Variants in DENND1A observed in about 807,000 individuals in gnomAD.
DENND1A encodes DENN domain containing 1A, also known as DENN domain-containing protein 1A.
Under a neutral mutation model 113.7 loss-of-function variants are expected in DENND1A, and 51 were observed. That is an observed-to-expected ratio of 0.45 (90% CI 0.36 to 0.57). The LOEUF is 0.57. Ranked by LOEUF, DENND1A falls within the 20% of genes least tolerant of loss-of-function variation. The pLI is 0.00. For missense variants in DENND1A, 1,258 were observed against 1,395.9 expected (o/e 0.90, Z 1.57); for synonymous variants, 565 against 570.8 (o/e 0.99, Z 0.14).
At chr9:123,857,599 C>T (rs908002676) in intron 2 of DENND1A, among the ~76,000 whole-genome samples, 1 of 152,150 alleles carries the variant, frequency 6.6e-6, no homozygotes, top group Non-Finnish European at 1.5e-5. Context: ...TGTGATATAA[C>T]AAGAAAAGCA....
At chr9:123,629,649 G>A (rs1185003565) in intron 10 of DENND1A, among the ~76,000 whole-genome samples, 9 of 152,164 alleles carry the variant, frequency 5.9e-5, no homozygotes, top group Admixed American at 3.3e-4. Flanking sequence ...TAGGGCTGTC[G>A]CCAAAACCTT....
intron 13 of DENND1A, among the ~76,000 whole-genome samples, chr9:123,462,283 A>G (rs2048588805): frequency 6.6e-6 from 1 of 152,244 alleles, no homozygotes; most frequent in African/African-American, 2.4e-5. Flanking sequence ...ACTTTCATGA[A>G]GTCGAAATTA....
intron 13 of DENND1A, among the ~76,000 whole-genome samples, chr9:123,547,613 A>G (rs1329561479): frequency 6.6e-6 from 1 of 152,200 alleles, no homozygotes; most frequent in Non-Finnish European, 1.5e-5. Context: ...TTTGTCCATA[A>G]TTGCTGGTGG....
chr9:123,707,917 A>T (rs901645634), intron 5 of DENND1A, among the ~76,000 whole-genome samples: 1 of 152,196 alleles, frequency 6.6e-6, no homozygotes, highest in South Asian at 2.1e-4. Context: ...CAGAATGGGA[A>T]GAAGAAAACT....
At chr9:123,806,321 T>C (rs904171350) in intron 2 of DENND1A, among the ~76,000 whole-genome samples, 1 of 151,932 alleles carries the variant, frequency 6.6e-6, no homozygotes, top group Non-Finnish European at 1.5e-5. Flanking sequence ...AGTGGCGTGA[T>C]CTTGGCTCAC....
rs550589817 is a variant in DENND1A, at chr9:123,602,749, C to T, written c.765+6687G>A. 1.3e-4 allele frequency among the ~76,000 whole-genome samples: 20 copies of T among 152,324 alleles called. No individual in the cohort carries two copies. In the East Asian group the frequency reaches 1.7e-3, roughly 13 times the overall value. On this transcript the variant is annotated intron_variant, in intron 11 of 23. Transcript: ENST00000394215. ...GCACAATTATGGCTCACTGCAGCCTCGAACTCCTGGGCTTGGCTTGAGTGA... is the reference window on the plus strand; with the variant it reads ...GCACAATTATGGCTCACTGCAGCCTTGAACTCCTGGGCTTGGCTTGAGTGA...
intron 13 of DENND1A, among the ~76,000 whole-genome samples, chr9:123,556,762 G>T (rs2057439397): frequency 6.6e-6 from 1 of 152,240 alleles, no homozygotes. Context: ...TCTGCAGGGT[G>T]ACCCAGGTCC....
intron 1 of DENND1A, among the ~76,000 whole-genome samples, chr9:123,917,262 T>C (rs1266058689): frequency 2.0e-5 from 3 of 152,116 alleles, no homozygotes; most frequent in Non-Finnish European, 4.4e-5. Context: ...AAACCAATTC[T>C]ACTGACTTTA....
chr9:123,722,788 G>A (rs181873633), intron 5 of DENND1A, among the ~76,000 whole-genome samples: 1 of 152,264 alleles, frequency 6.6e-6, no homozygotes, highest in African/African-American at 2.4e-5. Context: ...TGGATGCCCA[G>A]GCAGAAGTTT....
At chr9:123,832,017 T>C (rs1170176251) in intron 2 of DENND1A, among the ~76,000 whole-genome samples, 1 of 152,130 alleles carries the variant, frequency 6.6e-6, no homozygotes, top group South Asian at 2.1e-4. Context: ...AGTGAGGTGA[T>C]GGACATGTTG....
At position 123,379,680 on chromosome 9, in the gene DENND1A, A is replaced by T. The variant is rs951856866; in HGVS notation, c.*1752T>A. ...CTCTTCCCCAAGATGATTTTATTGA[A>T]TGCACACAAAGTTCATCCTTGGGTT... is the stretch of plus-strand genomic sequence containing the variant. On this transcript the variant is annotated 3_prime_UTR_variant, in exon 24 of 24. Transcript: ENST00000394215. The T allele has an allele frequency of 6.6e-6, 1 of 152,272 alleles. No homozygotes were observed. The highest frequency in any genetic ancestry group is 2.4e-5 in the African/African-American group (1 of 41,468). The allele number at this position is 152,272 out of a possible 1,614,324, so 9.4% of individuals were successfully genotyped here.
intron 2 of DENND1A, among the ~76,000 whole-genome samples, chr9:123,818,785 C>A (rs951224142): frequency 1.3e-5 from 2 of 152,146 alleles, no homozygotes; most frequent in Non-Finnish European, 2.9e-5. Flanking sequence ...GATTCTGCAG[C>A]ATTTTGGAGC....
intron 19 of DENND1A, chr9:123,413,889 C>T: frequency 1.0e-6 from 1 of 985,336 alleles, no homozygotes; most frequent in Non-Finnish European, 1.2e-6. Flanking sequence ...GAGAGGGGAG[C>T]CCACCCCCTC....
chr9:123,749,125 G>A (rs756567188), intron 5 of DENND1A, among the ~76,000 whole-genome samples: 2 of 152,108 alleles, frequency 1.3e-5, no homozygotes, highest in Non-Finnish European at 1.5e-5. Flanking sequence ...GCCATATCAC[G>A]GGCAAAACCC....
At chr9:123,881,342 G>A (rs1311333284) in intron 1 of DENND1A, among the ~76,000 whole-genome samples, 1 of 152,126 alleles carries the variant, frequency 6.6e-6, no homozygotes, top group Non-Finnish European at 1.5e-5. Flanking sequence ...AAGATCTTAA[G>A]GTAGAACATT....
At chr9:123,611,417 C>T (rs1037262724) in intron 10 of DENND1A, among the ~76,000 whole-genome samples, 2 of 152,164 alleles carry the variant, frequency 1.3e-5, no homozygotes, top group Non-Finnish European at 2.9e-5. Context: ...ACGACAGCTT[C>T]AATGTCAAAA....
At chr9:123,488,025 C>G (rs2051040112) in intron 13 of DENND1A, among the ~76,000 whole-genome samples, 1 of 152,240 alleles carries the variant, frequency 6.6e-6, no homozygotes, top group African/African-American at 2.4e-5. Context: ...AGACATCCAG[C>G]CAGCAGCTCC....
chr9:123,492,436 G>C (rs2051457196), intron 13 of DENND1A, among the ~76,000 whole-genome samples: 1 of 152,212 alleles, frequency 6.6e-6, no homozygotes, highest in Admixed American at 6.5e-5. Flanking sequence ...AAGGCACTCA[G>C]GAACATAGCT....
chr9:123,564,686 C>T (rs558910167), intron 12 of DENND1A, among the ~76,000 whole-genome samples: 1 of 152,354 alleles, frequency 6.6e-6, no homozygotes, highest in East Asian at 1.9e-4. Context: ...CTACTGAGCA[C>T]TTGAAATGTG....
Sources: gnomAD v4.1 joint callset for allele counts (sites outside exome capture counted in the v4.1 genomes callset) on GRCh38, gnomAD v4.1.1 for gene constraint, MANE v1.5 for transcripts, NCBI Gene and HGNC (gene_info 2026-07-23, HGNC 2026-07-21) for gene names.